ERC2: variants seen among roughly 807,000 people sequenced by gnomAD.
ERC2 encodes the protein ERC protein 2.
A neutral mutation model predicts 114.8 loss-of-function variants in ERC2; 42 were observed. That is an observed-to-expected ratio of 0.37 (90% confidence interval 0.29 to 0.47). ERC2 has a LOEUF of 0.47. Ranked by LOEUF, ERC2 falls within the 20% of genes least tolerant of loss-of-function variation. The pLI is 0.99. For missense variants in ERC2, 939 were observed against 1,150.7 expected (o/e 0.82, Z 2.66); for synonymous variants, 454 against 425.5 (o/e 1.07, Z -0.82).
At chr3:56,145,047 A>G (rs1048372841) in intron 5 of ERC2, among the ~76,000 whole-genome samples, 2 of 152,194 alleles carry the variant, frequency 1.3e-5, no homozygotes, top group African/African-American at 4.8e-5. Context: ...CATCAGGCAC[A>G]CTTCATCCCG....
At chr3:56,112,026 T>C (rs574970669) in intron 6 of ERC2, among the ~76,000 whole-genome samples, 1 of 152,356 alleles carries the variant, frequency 6.6e-6, no homozygotes, top group East Asian at 1.9e-4. Context: ...CTGTGCAGAA[T>C]AAAAATTTGA....
chr3:56,439,177 G>GT (rs1255021744), intron 1 of ERC2, among the ~76,000 whole-genome samples: 3 of 152,162 alleles, frequency 2.0e-5, no homozygotes, highest in African/African-American at 7.2e-5. Flanking sequence ...AGGGAATGTT[G>GT]ACTCCTGCTG....
chr3:55,699,864 T>C (rs1341770547), intron 15 of ERC2, among the ~76,000 whole-genome samples: 1 of 152,144 alleles, frequency 6.6e-6, no homozygotes, highest in East Asian at 1.9e-4. Flanking sequence ...ACTGAGACTC[T>C]AGACCAACAC....
At chr3:55,776,140 TTTGTTGTTG>T (rs553669928) in intron 14 of ERC2, among the ~76,000 whole-genome samples, 3 of 151,666 alleles carry the variant, frequency 2.0e-5, no homozygotes, top group African/African-American at 7.3e-5. Context: ...TAGAATGTTA[TTTGTTGTTG>T]TTGTTGTTGT....
At chr3:56,074,574 T>C (rs1324887739) in intron 7 of ERC2, among the ~76,000 whole-genome samples, 1 of 152,176 alleles carries the variant, frequency 6.6e-6, no homozygotes, top group Admixed American at 6.5e-5. Flanking sequence ...TAAGATGATA[T>C]TCTCTGTAAA....
chr3:56,005,130 A>T (rs1294246313), intron 10 of ERC2, among the ~76,000 whole-genome samples: 1 of 152,124 alleles, frequency 6.6e-6, no homozygotes, highest in Non-Finnish European at 1.5e-5. Flanking sequence ...TATTTAAATT[A>T]TAATTACCCT....
intron 14 of ERC2, among the ~76,000 whole-genome samples, chr3:55,785,012 G>A (rs771128550): frequency 5.3e-5 from 8 of 152,152 alleles, no homozygotes; most frequent in African/African-American, 9.7e-5. Context: ...AAAGCCTCAC[G>A]AAGGAAGGAA....
chr3:56,449,845 AAC>A (rs2107510641), intron 1 of ERC2, among the ~76,000 whole-genome samples: 1 of 152,382 alleles, frequency 6.6e-6, no homozygotes, highest in African/African-American at 2.4e-5. Flanking sequence ...ACCAGAATAT[AAC>A]ACAGTGGCTT....
chr3:55,795,180 C>T (rs994924650), intron 14 of ERC2, among the ~76,000 whole-genome samples: 8 of 152,022 alleles, frequency 5.3e-5, no homozygotes, highest in African/African-American at 1.9e-4. Flanking sequence ...CATTAAATTC[C>T]CAAGCTTGGG....
At chr3:56,307,747 G>A (rs1449706352) in intron 2 of ERC2, among the ~76,000 whole-genome samples, 1 of 151,980 alleles carries the variant, frequency 6.6e-6, no homozygotes, top group Non-Finnish European at 1.5e-5. Flanking sequence ...ATGTTAATAC[G>A]TGTTCTGTTG....
At chr3:55,937,738 G>A (rs2066538286) in intron 13 of ERC2, among the ~76,000 whole-genome samples, 1 of 152,182 alleles carries the variant, frequency 6.6e-6, no homozygotes, top group South Asian at 2.1e-4. Flanking sequence ...TAGACATCTT[G>A]ATTATTTTAT....
At chr3:56,306,138 G>A (rs988802476) in intron 2 of ERC2, among the ~76,000 whole-genome samples, 3 of 152,018 alleles carry the variant, frequency 2.0e-5, no homozygotes, top group Non-Finnish European at 2.9e-5. Context: ...TGTGAGCCAC[G>A]GCTCCCAGCC....
chr3:56,450,535 T>C (rs945215907), intron 1 of ERC2, among the ~76,000 whole-genome samples: 1 of 152,198 alleles, frequency 6.6e-6, no homozygotes, highest in Admixed American at 6.5e-5. Context: ...GTTAAAAATA[T>C]AGCAAAACAG....
intron 3 of ERC2, among the ~76,000 whole-genome samples, chr3:56,243,707 G>A (rs1047446999): frequency 1.3e-5 from 2 of 152,120 alleles, no homozygotes; most frequent in Non-Finnish European, 2.9e-5. Flanking sequence ...TGGGATGAGG[G>A]AAGAATAAAG....
intron 3 of ERC2, among the ~76,000 whole-genome samples, chr3:56,198,228 G>C (rs1356751998): frequency 6.6e-6 from 1 of 152,204 alleles, no homozygotes; most frequent in Admixed American, 6.5e-5. Flanking sequence ...ATCAGGTCTT[G>C]CTCCTCAGCT....
intron 2 of ERC2, among the ~76,000 whole-genome samples, chr3:56,424,637 G>T (rs116816750): frequency 5.3e-4 from 81 of 152,280 alleles, no homozygotes; most frequent in African/African-American, 1.8e-3. Context: ...ACCAAAAGAA[G>T]TTTTCACTCA....
At chr3:55,517,397 A>C (rs957949573) in intron 17 of ERC2, among the ~76,000 whole-genome samples, 3 of 146,962 alleles carry the variant, frequency 2.0e-5, no homozygotes, top group African/African-American at 7.6e-5. Context: ...CAGTGAGCCA[A>C]GATTGTGCCA....
At chr3:55,700,200 A>G (rs150458952) in intron 15 of ERC2, among the ~76,000 whole-genome samples, 1 of 152,316 alleles carries the variant, frequency 6.6e-6, no homozygotes, top group African/African-American at 2.4e-5. Flanking sequence ...TAAACCCCCA[A>G]TGCAATAGAA....
intron 2 of ERC2, among the ~76,000 whole-genome samples, chr3:56,298,037 G>A (rs2055570607): frequency 6.6e-6 from 1 of 152,178 alleles, no homozygotes; most frequent in African/African-American, 2.4e-5. Context: ...AAACTGATAT[G>A]TATTTAATGA....
Sources: allele counts gnomAD v4.1 joint callset (sites outside exome capture counted in the v4.1 genomes callset), GRCh38; gene constraint gnomAD v4.1.1; transcripts MANE v1.5; gene names NCBI Gene and HGNC (gene_info 2026-07-23, HGNC 2026-07-21).